Variants in STK33 observed in about 807,000 individuals in gnomAD.
STK33 encodes the protein serine/threonine kinase 33.
STK33 carries 52 observed loss-of-function variants against 58.0 expected under a neutral mutation model. That is an observed-to-expected ratio of 0.90 (90% confidence interval 0.72 to 1.13). The LOEUF (loss-of-function observed/expected upper bound fraction) is 1.13, where lower values mean the gene tolerates loss of function less well. Among genes scored for constraint, STK33 ranks in the 50% most tolerant of loss-of-function variants. STK33 has a pLI of 0.00. For synonymous variants in STK33, 215 were observed against 200.1 expected, an observed-to-expected ratio of 1.07 and a Z score of -0.63; for missense variants, 630 against 604.2, an observed-to-expected ratio of 1.04 and a Z score of -0.45.
intron 1 of STK33, among the ~76,000 whole-genome samples, chr11:8,510,540 G>A (rs948506576): frequency 7.2e-5 from 11 of 151,818 alleles, no homozygotes; most frequent in Non-Finnish European, 1.0e-4. Context: ...TTCTCGTTGC[G>A]TTTGCTTTTG....
At chr11:8,515,316 A>T (rs2139602061) in intron 1 of STK33, among the ~76,000 whole-genome samples, 1 of 152,346 alleles carries the variant, frequency 6.6e-6, no homozygotes, top group East Asian at 1.9e-4. Context: ...AACCTAGAAG[A>T]AACAGAAAAA....
rs146718487 is a variant in STK33 at position 8,490,110 on chromosome 11, G to A, written c.-465-9496C>T. Among the ~76,000 whole-genome samples, 312 of 152,334 alleles carry A rather than the reference G, an allele frequency of 2.0e-3. 2 individuals carry two copies. Among genetic ancestry groups the A allele is most frequent in the African/African-American group, 6.8e-3 (282 of 41,586 alleles). On this transcript the variant is annotated intron_variant, in intron 1 of 15. Coordinates refer to ENST00000687296, the MANE Select transcript of STK33 (RefSeq NM_001352389.2). ...CATGGAGGGCGAGCCGAAGCAGGGC[G>A]AGGCGTTGCCTCACCCAGGAAGTGC...
At chr11:8,562,636 T>C (rs1314252989) in intron 1 of STK33, among the ~76,000 whole-genome samples, 1 of 152,186 alleles carries the variant, frequency 6.6e-6, no homozygotes, top group African/African-American at 2.4e-5. Flanking sequence ...TTGCTTTTCA[T>C]TCTATTTGTT....
At chr11:8,410,479 T>C (rs969333081) in intron 15 of STK33, among the ~76,000 whole-genome samples, 2 of 148,728 alleles carry the variant, frequency 1.3e-5, no homozygotes, top group African/African-American at 2.5e-5. Context: ...TCTTTTTTTT[T>C]TTTTTTTTTC....
the STK33 span, among the ~76,000 whole-genome samples, chr11:8,341,619 T>C: frequency 6.6e-6 from 1 of 152,224 alleles, no homozygotes; most frequent in Non-Finnish European, 1.5e-5. Context: ...GCATTTAGCC[T>C]GCCCCAGAGA....
chr11:8,355,330 G>C, the STK33 span, among the ~76,000 whole-genome samples: 1 of 152,234 alleles, frequency 6.6e-6, no homozygotes, highest in Non-Finnish European at 1.5e-5. Flanking sequence ...TGTTGTGCAT[G>C]GAAATGTGGC....
intron 1 of STK33, among the ~76,000 whole-genome samples, chr11:8,558,042 A>G (rs1421757879): frequency 2.0e-5 from 3 of 152,210 alleles, no homozygotes; most frequent in Non-Finnish European, 4.4e-5. Context: ...TCAATTCACT[A>G]GGACACATGA....
chr11:8,381,645 G>A, the STK33 span, among the ~76,000 whole-genome samples: 1 of 152,150 alleles, frequency 6.6e-6, no homozygotes, highest in Non-Finnish European at 1.5e-5. Context: ...TGAGCACCGA[G>A]CAGCTGGAAC....
chr11:8,556,582 A>T (rs1956757809), intron 1 of STK33, among the ~76,000 whole-genome samples: 1 of 152,162 alleles, frequency 6.6e-6, no homozygotes, highest in African/African-American at 2.4e-5. Flanking sequence ...TTCAGTTTAA[A>T]TGTCACTTCT....
intron 1 of STK33, among the ~76,000 whole-genome samples, chr11:8,500,731 A>G (rs1368191808): frequency 1.3e-5 from 2 of 152,170 alleles, no homozygotes; most frequent in Non-Finnish European, 2.9e-5. Flanking sequence ...AGCAAAAACA[A>G]TCTTGAAAAA....
intron 11 of STK33, among the ~76,000 whole-genome samples, chr11:8,448,352 T>C (rs1945792909): frequency 6.6e-6 from 1 of 152,152 alleles, no homozygotes; most frequent in Non-Finnish European, 1.5e-5. Flanking sequence ...AGAACAAAGC[T>C]GGAGGCATCA....
the STK33 span, among the ~76,000 whole-genome samples, chr11:8,363,016 G>A: frequency 6.6e-6 from 1 of 152,222 alleles, no homozygotes; most frequent in African/African-American, 2.4e-5. Context: ...AGCCTGGGGA[G>A]GGTTCTGGGT....
At chr11:8,448,388 C>G (rs894557976) in intron 11 of STK33, among the ~76,000 whole-genome samples, 1 of 152,164 alleles carries the variant, frequency 6.6e-6, no homozygotes, top group Non-Finnish European at 1.5e-5. Context: ...AACTATACTA[C>G]AAGGCTACAG....
intron 1 of STK33, among the ~76,000 whole-genome samples, chr11:8,500,717 C>T (rs12289533): frequency 0.088 from 13,332 of 152,040 alleles, 1,332 homozygotes; most frequent in African/African-American, 0.25. Flanking sequence ...AAAGGATTTA[C>T]GATAGCAAAA....
chr11:8,528,774 T>C (rs753776793), intron 1 of STK33, among the ~76,000 whole-genome samples: 1 of 152,210 alleles, frequency 6.6e-6, no homozygotes, highest in Non-Finnish European at 1.5e-5. Flanking sequence ...AATTCTGTGG[T>C]ATGGCTGGAG....
chr11:8,535,478 GA>G (rs370953596), intron 1 of STK33, among the ~76,000 whole-genome samples: 30 of 151,842 alleles, frequency 2.0e-4, no homozygotes, highest in African/African-American at 4.4e-4. Flanking sequence ...CAACACATGT[GA>G]AAAAAATGCT....
intron 15 of STK33, among the ~76,000 whole-genome samples, chr11:8,406,674 T>TATA (rs758099225): frequency 5.6e-4 from 86 of 152,306 alleles, no homozygotes; most frequent in Non-Finnish European, 9.4e-4. Flanking sequence ...ACTGCGAATA[T>TATA]ATAACAATAC....
chr11:8,537,128 C>T (rs7102295), intron 1 of STK33, among the ~76,000 whole-genome samples: 1,967 of 151,158 alleles, frequency 0.013, 36 homozygotes, highest in African/African-American at 0.045. Context: ...TACAGGCACC[C>T]GCCACCACAC....
intron 1 of STK33, among the ~76,000 whole-genome samples, chr11:8,509,922 T>C (rs1952173852): frequency 6.6e-6 from 1 of 152,218 alleles, no homozygotes; most frequent in Non-Finnish European, 1.5e-5. Flanking sequence ...GGCATTTAGG[T>C]TGGTTCCATA....
Sources: gnomAD v4.1 joint callset for allele counts (sites outside exome capture counted in the v4.1 genomes callset) on GRCh38, gnomAD v4.1.1 for gene constraint, MANE v1.5 for transcripts, NCBI Gene and HGNC (gene_info 2026-07-23, HGNC 2026-07-21) for gene names.